Variants in PRELID2 observed in about 807,000 individuals in gnomAD.
PRELID2 encodes PRELI domain-containing protein 2.
In PRELID2, 25 loss-of-function variants were observed where a neutral mutation model predicts 28.4. The ratio of observed to expected loss-of-function variants is 0.88; its 90% CI spans 0.64 to 1.23. The LOEUF (loss-of-function observed/expected upper bound fraction) is 1.23. Among genes scored for constraint, PRELID2 ranks in the 50% most tolerant of loss-of-function variants. PRELID2 has a pLI of 0.00. For synonymous variants in PRELID2, 76 were observed against 71.6 expected, an observed-to-expected ratio of 1.06 and a Z score of -0.31; for missense variants, 201 against 214.4, an observed-to-expected ratio of 0.94 and a Z score of 0.39.
At chr5:145,229,235 C>T in the PRELID2 span, 32 of 777,094 alleles carry the variant, frequency 4.1e-5, no homozygotes, top group Non-Finnish European at 7.3e-5. Context: ...AGATGAAGGT[C>T]CCTGGAGGGC....
At chr5:145,294,039 C>T in the PRELID2 span, among the ~76,000 whole-genome samples, 2 of 152,138 alleles carry the variant, frequency 1.3e-5, no homozygotes, top group Admixed American at 6.6e-5. Flanking sequence ...CACAATTAAA[C>T]TCCTCTCTCT....
intron 1 of PRELID2, among the ~76,000 whole-genome samples, chr5:145,504,405 C>T (rs1365088904): frequency 6.6e-6 from 1 of 152,156 alleles, no homozygotes; most frequent in African/African-American, 2.4e-5. Flanking sequence ...CTACAAAGCA[C>T]ATAGTATTTT....
chr5:145,738,355 C>T (rs994858235), intron 1 of PRELID2, among the ~76,000 whole-genome samples: 1 of 152,010 alleles, frequency 6.6e-6, no homozygotes, highest in Non-Finnish European at 1.5e-5. Context: ...GCAATGGATG[C>T]CAACATTAAG....
At chr5:145,709,739 C>A (rs943545553) in intron 1 of PRELID2, among the ~76,000 whole-genome samples, 2 of 152,134 alleles carry the variant, frequency 1.3e-5, no homozygotes, top group Non-Finnish European at 2.9e-5. Context: ...CTTTCAAATA[C>A]AATGCTCAAA....
At chr5:145,347,572 A>G in the PRELID2 span, among the ~76,000 whole-genome samples, 1 of 152,058 alleles carries the variant, frequency 6.6e-6, no homozygotes, top group Non-Finnish European at 1.5e-5. Context: ...CTATTTTATT[A>G]TCCATGGAGT....
intron 1 of PRELID2, among the ~76,000 whole-genome samples, chr5:145,832,181 T>G (rs1037736070): frequency 6.6e-6 from 1 of 152,020 alleles, no homozygotes; most frequent in Non-Finnish European, 1.5e-5. Flanking sequence ...GTTTTTTGGG[T>G]TTTTTTGTTT....
chr5:145,596,847 A>T (rs1753314172), intron 1 of PRELID2, among the ~76,000 whole-genome samples: 2 of 152,198 alleles, frequency 1.3e-5, no homozygotes, highest in South Asian at 4.1e-4. Context: ...ATAACTTGAG[A>T]AGCAGAATTA....
chr5:145,762,826 A>G (rs1284656060), intron 6 of PRELID2, among the ~76,000 whole-genome samples: 1 of 152,214 alleles, frequency 6.6e-6, no homozygotes, highest in African/African-American at 2.4e-5. Context: ...AGTTGACCGA[A>G]TACATGACAA....
At chr5:145,625,280 T>C (rs1007589401) in intron 1 of PRELID2, among the ~76,000 whole-genome samples, 4 of 152,128 alleles carry the variant, frequency 2.6e-5, no homozygotes, top group African/African-American at 4.8e-5. Flanking sequence ...TTCATAACAC[T>C]TGCTTCTTAC....
intron 1 of PRELID2, among the ~76,000 whole-genome samples, chr5:145,513,436 GA>G (rs1752483925): frequency 6.6e-6 from 1 of 151,924 alleles, no homozygotes; most frequent in South Asian, 2.1e-4. Flanking sequence ...CAAGCTTAGA[GA>G]AAAAAGAATG....
the PRELID2 span, among the ~76,000 whole-genome samples, chr5:145,373,923 ATATAT>A: frequency 5.7e-5 from 8 of 139,714 alleles, no homozygotes; most frequent in Non-Finnish European, 1.1e-4. Flanking sequence ...ATATGATATT[ATATAT>A]TATAACATAA....
the PRELID2 span, among the ~76,000 whole-genome samples, chr5:145,337,522 T>G: frequency 6.6e-6 from 1 of 151,674 alleles, no homozygotes; most frequent in Admixed American, 6.6e-5. Flanking sequence ...AACTTGTGCT[T>G]CTGACCTACC....
At chr5:145,479,802 C>T (rs1378363578) in intron 1 of PRELID2, among the ~76,000 whole-genome samples, 2 of 152,170 alleles carry the variant, frequency 1.3e-5, no homozygotes, top group Non-Finnish European at 2.9e-5. Flanking sequence ...TTAGCCACTA[C>T]ATGGCAAGAA....
intron 1 of PRELID2, among the ~76,000 whole-genome samples, chr5:145,677,044 A>G (rs1467371715): frequency 6.6e-6 from 1 of 152,094 alleles, no homozygotes; most frequent in Non-Finnish European, 1.5e-5. Flanking sequence ...GCAGCTGAGA[A>G]AATTTTAACA....
At chr5:145,819,862 A>T in intron 3 of PRELID2, 83 bp downstream of exon 3, 1 of 830,066 alleles carries the variant, frequency 1.2e-6, no homozygotes, top group South Asian at 1.5e-5. Flanking sequence ...ACGCTCCTTT[A>T]CATCAGAAAA....
chr5:145,539,695 A>C (rs1020963336), intron 1 of PRELID2, among the ~76,000 whole-genome samples: 1 of 151,934 alleles, frequency 6.6e-6, no homozygotes, highest in Non-Finnish European at 1.5e-5. Flanking sequence ...ATAATACTGA[A>C]TATCTAGTAA....
At chr5:145,709,965 G>A (rs181141855) in intron 1 of PRELID2, among the ~76,000 whole-genome samples, 32 of 152,170 alleles carry the variant, frequency 2.1e-4, no homozygotes, top group African/African-American at 7.7e-4. Flanking sequence ...CTGGAGAAGC[G>A]AGATCTAATA....
At chr5:145,370,555 T>A in the PRELID2 span, among the ~76,000 whole-genome samples, 14 of 152,166 alleles carry the variant, frequency 9.2e-5, no homozygotes, top group Non-Finnish European at 1.6e-4. Context: ...TCAGGTAGCA[T>A]GATACCTCCA....
At chr5:145,761,503 A>G (rs1447002930) in intron 6 of PRELID2, among the ~76,000 whole-genome samples, 1 of 152,234 alleles carries the variant, frequency 6.6e-6, no homozygotes, top group Non-Finnish European at 1.5e-5. Flanking sequence ...TATAAACTTT[A>G]GGGGTAAGAC....
Sources: gnomAD v4.1 joint callset for allele counts (sites outside exome capture counted in the v4.1 genomes callset) on GRCh38, gnomAD v4.1.1 for gene constraint, MANE v1.5 for transcripts, NCBI Gene and HGNC (gene_info 2026-07-23, HGNC 2026-07-21) for gene names.